MBD5: variants seen among roughly 807,000 people sequenced by gnomAD.
MBD5 encodes the protein methyl-CpG binding domain protein 5, also known as methyl-CpG-binding domain protein 5.
A neutral mutation model predicts 117.3 loss-of-function variants in MBD5; 13 were observed. The observed-to-expected ratio is 0.11, with a 90% confidence interval of 0.07 to 0.18. The LOEUF (loss-of-function observed/expected upper bound fraction) is 0.18, where lower values mean the gene tolerates loss of function less well. Ranked by LOEUF, MBD5 falls within the 10% of genes least tolerant of loss-of-function variation. The pLI, the probability that MBD5 is intolerant of heterozygous loss-of-function variation, is 1.00. For synonymous variants in MBD5, 727 were observed against 766.4 expected (o/e 0.95, Z 0.85); for missense variants, 1,879 against 2,093.8 (o/e 0.90, Z 2.00).
intron 4 of MBD5, chr2:148,347,356 C>G (rs1703147915): frequency 6.6e-6 from 1 of 151,952 alleles, no homozygotes; most frequent in Middle Eastern, 3.2e-3. Flanking sequence ...GTCTGGGCAA[C>G]AGAGTGAGAT....
At chr2:148,302,950 A>T (rs1042127093) in intron 3 of MBD5, among the ~76,000 whole-genome samples, 1 of 149,736 alleles carries the variant, frequency 6.7e-6, no homozygotes, top group Non-Finnish European at 1.5e-5. Context: ...TCATTATATC[A>T]TATATACATT....
In MBD5 at chr2:148,483,146, G is replaced by A; in HGVS notation, c.2555G>A (p.Gly852Asp). The change falls in exon 9 of 14, where the codon GGC becomes GAC. Residue 852 changes from glycine to aspartate, a missense_variant. Coordinates refer to ENST00000642680, the MANE Select transcript of MBD5 (RefSeq NM_001378120.1). ...SGPSSSIAIA[G>D]TNHPAITKTT... ...CCATCATCCTCCATAGCCATAGCGG[G>A]CACCAACCACCCTGCCATCACAAAG... The A allele has an allele frequency of 6.2e-7, 1 of 1,612,890 alleles. No homozygotes were observed. Among genetic ancestry groups the A allele is most frequent in the Non-Finnish European group, 8.5e-7 (1 of 1,179,862 alleles).
At chr2:148,510,971 T>C (rs1241318796) in intron 13 of MBD5, among the ~76,000 whole-genome samples, 3 of 152,076 alleles carry the variant, frequency 2.0e-5, no homozygotes, top group African/African-American at 7.2e-5. Context: ...ATGACAGCAG[T>C]TGGAATGGAT....
chr2:148,409,558 A>G (rs926097964), intron 4 of MBD5, among the ~76,000 whole-genome samples: 14 of 151,070 alleles, frequency 9.3e-5, no homozygotes, highest in African/African-American at 3.4e-4. Context: ...GTTATTCCAC[A>G]GTTTTTAAGG....
At chr2:148,395,670 C>T (rs1157513592) in intron 4 of MBD5, among the ~76,000 whole-genome samples, 1 of 152,066 alleles carries the variant, frequency 6.6e-6, no homozygotes, top group African/African-American at 2.4e-5. Flanking sequence ...GGTGATCCAC[C>T]CTCCTCGGCC....
chr2:148,113,361 C>CT (rs572839509), intron 1 of MBD5, among the ~76,000 whole-genome samples: 127 of 151,574 alleles, frequency 8.4e-4, no homozygotes, highest in East Asian at 3.1e-3. Context: ...TTGTCAAAAA[C>CT]TTTTTTTTTA....
intron 1 of MBD5, among the ~76,000 whole-genome samples, chr2:148,073,515 G>A (rs1227794188): frequency 1.3e-5 from 2 of 152,130 alleles, no homozygotes; most frequent in African/African-American, 4.8e-5. Flanking sequence ...ATGTCTATCA[G>A]TAGGGGATTA....
At position 148,115,380 on chromosome 2, in the gene MBD5, G is replaced by A. The variant is rs928884538; in HGVS notation, c.-924-63320G>A. The stretch of plus-strand genomic sequence containing the variant: ...CGCCACTGACATGCTGTGTAATTTC[G>A]ACAAGCTAATTAACCTCATTATAAA... On this transcript the variant is annotated intron_variant, in intron 1 of 13. Transcript: ENST00000642680. Among the ~76,000 whole-genome samples, 9 of 152,052 alleles carry A rather than the reference G, an allele frequency of 5.9e-5. No individual in the cohort carries two copies. In the South Asian group the frequency reaches 8.3e-4, roughly 14 times the overall value.
intron 3 of MBD5, among the ~76,000 whole-genome samples, chr2:148,245,799 A>G (rs1700324124): frequency 6.6e-6 from 1 of 152,158 alleles, no homozygotes; most frequent in Non-Finnish European, 1.5e-5. Flanking sequence ...AGAATAGACT[A>G]TCACTTCTTA....
chr2:148,186,647 G>A (rs973259292), intron 2 of MBD5, among the ~76,000 whole-genome samples: 1 of 152,168 alleles, frequency 6.6e-6, no homozygotes, highest in Non-Finnish European at 1.5e-5. Flanking sequence ...GTTGTGATTT[G>A]GAGAAAGTTT....
rs996307169 is a variant in MBD5 at position 148,168,037 on chromosome 2, G to A, written c.-924-10663G>A. 2.0e-5 allele frequency among the ~76,000 whole-genome samples: 3 copies of A among 152,108 alleles called. No individual in the cohort carries two copies. The South Asian group carries it at 6.3e-4, about 32-fold the overall frequency. On this transcript the variant is annotated intron_variant, in intron 1 of 13. Coordinates refer to ENST00000642680, the MANE Select transcript of MBD5 (RefSeq NM_001378120.1). ...GTTAAGTACTTATTGGTTTCTTTTG[G>A]CTGAATCCGAAAGGGGGCAGTACAA...
intron 4 of MBD5, among the ~76,000 whole-genome samples, chr2:148,376,354 G>A (rs1703987370): frequency 1.4e-5 from 2 of 146,518 alleles, no homozygotes; most frequent in Admixed American, 7.0e-5. Context: ...TGCAAGTTCC[G>A]CCTCCTGGGT....
At position 148,241,630 on chromosome 2, in the gene MBD5, A is replaced by G. The variant is rs540394840; in HGVS notation, c.-680+8235A>G. The stretch of plus-strand genomic sequence containing the variant: ...CCTCCCTGACCCTCGATTTTCAGCC[A>G]TTCTCTCAACCCTGAATTCTGGCCT... On this transcript the variant is annotated intron_variant, in intron 3 of 13. Coordinates refer to ENST00000642680, the MANE Select transcript of MBD5 (RefSeq NM_001378120.1). Among the ~76,000 whole-genome samples, 51 of 152,032 alleles carry G rather than the reference A, an allele frequency of 3.4e-4. No homozygotes were observed. The South Asian group carries it at 0.01, about 31-fold the overall frequency.
At chr2:148,050,782 T>G (rs1694677848) in intron 1 of MBD5, among the ~76,000 whole-genome samples, 1 of 152,182 alleles carries the variant, frequency 6.6e-6, no homozygotes, top group Non-Finnish European at 1.5e-5. Context: ...CTTATATCAA[T>G]ACTACACTGT....
intron 4 of MBD5, among the ~76,000 whole-genome samples, chr2:148,385,436 C>G (rs539828120): frequency 6.6e-6 from 1 of 152,004 alleles, no homozygotes; most frequent in African/African-American, 2.4e-5. Flanking sequence ...GTTAGAATGG[C>G]GATCATTAAA....
rs1251354388 is a variant in MBD5 at position 148,355,474 on chromosome 2, G to A, written c.-557+13138G>A. 3.9e-5 allele frequency among the ~76,000 whole-genome samples: 6 copies of A among 152,174 alleles called. No individual in the cohort carries two copies. The East Asian group carries it at 1.2e-3, about 29-fold the overall frequency. ...ATTTTTGTATAAGGTGTAAGGAAGG[G>A]ATCCAGTTTCTGTTTTCTGCATATG... On this transcript the variant is annotated intron_variant, in intron 4 of 13. Transcript: ENST00000642680.
intron 1 of MBD5, among the ~76,000 whole-genome samples, chr2:148,142,385 G>A (rs1697340596): frequency 1.3e-5 from 2 of 152,188 alleles, no homozygotes; most frequent in African/African-American, 4.8e-5. Context: ...CACATTCAGA[G>A]TAGTAGAATG....
At chr2:148,260,349 G>T (rs578080425) in intron 3 of MBD5, among the ~76,000 whole-genome samples, 1 of 152,140 alleles carries the variant, frequency 6.6e-6, no homozygotes, top group Non-Finnish European at 1.5e-5. Context: ...CTGCTCATCC[G>T]TTCAAGTTTT....
At chr2:148,096,445 C>T (rs1696070217) in intron 1 of MBD5, among the ~76,000 whole-genome samples, 1 of 152,106 alleles carries the variant, frequency 6.6e-6, no homozygotes, top group African/African-American at 2.4e-5. Flanking sequence ...GGTTAAAAAA[C>T]CCTGCCATAG....
Sources: gnomAD v4.1 joint callset for allele counts (sites outside exome capture counted in the v4.1 genomes callset) on GRCh38, gnomAD v4.1.1 for gene constraint, MANE v1.5 for transcripts, NCBI Gene and HGNC (gene_info 2026-07-23, HGNC 2026-07-21) for gene names.